KDM2A: variants seen among roughly 807,000 people sequenced by gnomAD.
KDM2A encodes the protein lysine demethylase 2A.
A neutral mutation model predicts 137.3 loss-of-function variants in KDM2A; 3 were observed. The observed-to-expected ratio is 0.02, with a 90% CI of 0.01 to 0.06. KDM2A has a LOEUF of 0.06. KDM2A is among the 10% of genes least tolerant of loss of function. The pLI, the probability that KDM2A is intolerant of heterozygous loss-of-function variation, is 1.00. For missense variants in KDM2A, 738 were observed against 1,510.6 expected (o/e 0.49, Z 8.48); for synonymous variants, 512 against 541.5 (o/e 0.95, Z 0.76).
chr11:67,129,585 T>C (rs1480747205), intron 2 of KDM2A, among the ~76,000 whole-genome samples: 2 of 151,808 alleles, frequency 1.3e-5, no homozygotes, highest in African/African-American at 4.8e-5. Context: ...ATACAAAAAA[T>C]TAGCCGGGCG....
At chr11:67,221,542 T>G (rs1858349825) in intron 10 of KDM2A, among the ~76,000 whole-genome samples, 1 of 152,212 alleles carries the variant, frequency 6.6e-6, no homozygotes, top group Non-Finnish European at 1.5e-5. Context: ...GTGTAGGAGT[T>G]ACGTATCACT....
chr11:67,252,540 C>A, intron 17 of KDM2A, 154 bp from the exon 18 acceptor site: 1 of 833,766 alleles, frequency 1.2e-6, no homozygotes, highest in South Asian at 1.5e-5. Flanking sequence ...TTTGCCTATT[C>A]TGTGAGGCAA....
At chr11:67,190,381 G>T (rs1330602666) in intron 5 of KDM2A, among the ~76,000 whole-genome samples, 5 of 152,138 alleles carry the variant, frequency 3.3e-5, no homozygotes. Context: ...CTGCACTCCA[G>T]CCTGGGTGAC....
intron 2 of KDM2A, among the ~76,000 whole-genome samples, chr11:67,164,920 G>A (rs1196207617): frequency 6.6e-6 from 1 of 151,798 alleles, no homozygotes. Context: ...TTTTAATGAT[G>A]TTAGTCAGTT....
rs56973148 is a variant in KDM2A, at chr11:67,156,718, CAAA to C, written c.43-23342_43-23340del. ...TGGGCAACAGAGCGAGACTCCATCT[CAAA>C]AAAAAAAAAAAAAAAAAATTAGCTG... On this transcript the variant is annotated intron_variant, in intron 2 of 20. Transcript: ENST00000529006. Among the ~76,000 whole-genome samples the C allele has an allele frequency of 9.1e-3, 830 of 90,870 alleles. 9 individuals carry two copies. The highest frequency in any genetic ancestry group is 0.03 in the African/African-American group (740 of 24,826). 59.6% of individuals were successfully genotyped at this position (90,870 alleles called of 152,430 possible).
At chr11:67,252,965 C>A in intron 18 of KDM2A, 108 bp downstream of exon 18, 1 of 1,188,770 alleles carries the variant, frequency 8.4e-7, no homozygotes, top group Non-Finnish European at 1.2e-6. Context: ...CAGTGTAGGG[C>A]AGCAGTCCCA....
At chr11:67,224,431 A>C (rs902047911) in intron 10 of KDM2A, among the ~76,000 whole-genome samples, 7 of 145,170 alleles carry the variant, frequency 4.8e-5, no homozygotes, top group Admixed American at 1.4e-4. Flanking sequence ...ACATAGTGAG[A>C]CCCTGTCCGT....
At chr11:67,188,249 G>A (rs1393827408) in intron 5 of KDM2A, among the ~76,000 whole-genome samples, 3 of 151,808 alleles carry the variant, frequency 2.0e-5, no homozygotes, top group African/African-American at 7.3e-5. Context: ...TTGGGAGGCC[G>A]AGGCAGGCAG....
intron 2 of KDM2A, among the ~76,000 whole-genome samples, chr11:67,171,249 C>T (rs1395733059): frequency 6.6e-6 from 1 of 152,138 alleles, no homozygotes; most frequent in Non-Finnish European, 1.5e-5. Flanking sequence ...ACTTGCCAAC[C>T]CCACCATCAG....
intron 10 of KDM2A, among the ~76,000 whole-genome samples, chr11:67,224,800 C>T (rs1218218357): frequency 6.9e-6 from 1 of 145,548 alleles, no homozygotes; most frequent in Admixed American, 6.9e-5. Context: ...CCCAATGATA[C>T]TCACCAGGGG....
intron 2 of KDM2A, among the ~76,000 whole-genome samples, chr11:67,135,828 C>T (rs1855959808): frequency 6.6e-6 from 1 of 152,176 alleles, no homozygotes; most frequent in South Asian, 2.1e-4. Context: ...ATTCACATAT[C>T]TTAATCTATG....
intron 2 of KDM2A, among the ~76,000 whole-genome samples, chr11:67,162,554 C>T (rs777573593): frequency 7.9e-5 from 12 of 151,760 alleles, no homozygotes; most frequent in African/African-American, 1.5e-4. Context: ...TATAGGCATG[C>T]GCCACCACAC....
At chr11:67,241,826 T>C (rs2136443614) in intron 12 of KDM2A, among the ~76,000 whole-genome samples, 1 of 152,292 alleles carries the variant, frequency 6.6e-6, no homozygotes, top group South Asian at 2.1e-4. Flanking sequence ...CCCAGCACTT[T>C]GGGAGGCCGA....
intron 2 of KDM2A, among the ~76,000 whole-genome samples, chr11:67,122,694 G>T (rs1396882975): frequency 7.2e-6 from 1 of 139,150 alleles, no homozygotes; most frequent in Non-Finnish European, 1.6e-5. Flanking sequence ...TTTATTTTTT[G>T]AGACAGAGTC....
At chr11:67,194,617 T>C (rs549675342) in intron 5 of KDM2A, among the ~76,000 whole-genome samples, 1 of 152,290 alleles carries the variant, frequency 6.6e-6, no homozygotes, top group Admixed American at 6.5e-5. Context: ...CCAATACATA[T>C]TGGTGATTGC....
chr11:67,250,672 G>C lies in KDM2A; in HGVS notation c.2642G>C (p.Arg881Pro), dbSNP rs757221240. ...GGGGGTGCAGCCAGGCTGAATGGCCGGGGCAGTTGGGCTCAGGATGGAGAC... is the reference window on the plus strand; with the variant it reads ...GGGGGTGCAGCCAGGCTGAATGGCCCGGGCAGTTGGGCTCAGGATGGAGAC... Reference protein sequence around the residue: ...EEGGAARLNGRGSWAQDGDES... With the variant: ...EEGGAARLNGPGSWAQDGDES... Residue 881 changes from arginine (R) to proline (P), a missense_variant, in exon 17 of 21, where the codon CGG (arginine) becomes CCG (proline). Arg to Pro is a moderately radical substitution (Grantham distance 103). Around this residue, in one of 9 missense-constraint regions of KDM2A, gnomAD observed 244 missense variants for 324.6 expected, o/e 0.75. Transcript: ENST00000529006. The surrounding 1 kb of genome is among the most constrained non-coding windows in gnomAD (Gnocchi z 7.1). 2 of 1,604,060 alleles carry C rather than the reference G, an allele frequency of 1.2e-6. No homozygotes were observed. The highest frequency in any genetic ancestry group is 1.7e-5 in the Admixed American group (1 of 59,472).
intron 12 of KDM2A, chr11:67,240,278 T>A (rs1858989777): frequency 1.3e-6 from 2 of 1,535,528 alleles, no homozygotes; most frequent in South Asian, 2.4e-5. Flanking sequence ...TCTAACTCCT[T>A]CAGGAGAACT....
intron 10 of KDM2A, among the ~76,000 whole-genome samples, chr11:67,227,555 C>G (rs983625836): frequency 6.6e-6 from 1 of 151,974 alleles, no homozygotes; most frequent in African/African-American, 2.4e-5. Flanking sequence ...TCTAAATGGT[C>G]TTCCTCAAGT....
At chr11:67,247,037 T>TTATATATATATATA (rs59101290) in intron 15 of KDM2A, among the ~76,000 whole-genome samples, 7 of 33,064 alleles carry the variant, frequency 2.1e-4, no homozygotes, top group African/African-American at 7.5e-4. Flanking sequence ...ATAAATTATT[T>TTATATATATATATA]TATATATATA....
Sources: allele counts gnomAD v4.1 joint callset (sites outside exome capture counted in the v4.1 genomes callset), GRCh38; gene constraint gnomAD v4.1.1; regional missense constraint gnomAD v4.1.1; non-coding constraint Gnocchi (gnomAD v3.1); transcripts MANE v1.5; gene names NCBI Gene and HGNC (gene_info 2026-07-23, HGNC 2026-07-21).